SLC36A1: variants seen among roughly 807,000 people sequenced by gnomAD.
SLC36A1 encodes proton-coupled amino acid transporter 1.
SLC36A1 carries 30 observed loss-of-function variants against 47.5 expected under a neutral mutation model. The ratio of observed to expected loss-of-function variants is 0.63; its 90% CI spans 0.47 to 0.86. The LOEUF (loss-of-function observed/expected upper bound fraction) is 0.86. Among genes scored for constraint, SLC36A1 ranks in the 40% least tolerant of loss-of-function variants. The pLI is 0.00. For synonymous variants in SLC36A1, 255 were observed against 249.7 expected (o/e 1.02, Z -0.20); for missense variants, 517 against 606.0 (o/e 0.85, Z 1.54).
the SLC36A1 span, among the ~76,000 whole-genome samples, chr5:151,398,258 T>C: frequency 2.0e-5 from 3 of 152,172 alleles, no homozygotes; most frequent in Admixed American, 2.0e-4. Context: ...ATTATTATAA[T>C]TTTTGTTATG....
At chr5:151,472,701 G>T (rs1757488608) in intron 7 of SLC36A1, among the ~76,000 whole-genome samples, 1 of 152,304 alleles carries the variant, frequency 6.6e-6, no homozygotes, top group Non-Finnish European at 1.5e-5. Flanking sequence ...AGAGGAAAAA[G>T]GAAGAGAACC....
chr5:151,498,924 T>A, the SLC36A1 span, among the ~76,000 whole-genome samples: 1 of 152,218 alleles, frequency 6.6e-6, no homozygotes, highest in Non-Finnish European at 1.5e-5. Context: ...CTGCCTGCGC[T>A]GGAGACGTGG....
upstream of SLC36A1, among the ~76,000 whole-genome samples, chr5:151,433,332 G>A (rs1759566374): frequency 8.9e-6 from 1 of 112,824 alleles, no homozygotes; most frequent in Non-Finnish European, 1.7e-5. Flanking sequence ...TGCCCAGGCT[G>A]GAATGCAATG....
the SLC36A1 span, chr5:151,381,171 T>C: frequency 4.5e-6 from 2 of 448,356 alleles, no homozygotes; most frequent in Non-Finnish European, 8.9e-6. Flanking sequence ...AAGGAGCTGA[T>C]GGTGGCTGTG....
At chr5:151,440,013 A>G (rs1487846968) in intron 1 of SLC36A1, among the ~76,000 whole-genome samples, 1 of 152,220 alleles carries the variant, frequency 6.6e-6, no homozygotes, top group Admixed American at 6.5e-5. Context: ...AAATATTGAA[A>G]TCATAATGCT....
chr5:151,468,266 A>AAAAAAAAATAT (rs55642458), intron 7 of SLC36A1, among the ~76,000 whole-genome samples: 2 of 63,818 alleles, frequency 3.1e-5, no homozygotes, highest in African/African-American at 1.8e-4. Context: ...AAAAAAAAAA[A>AAAAAAAAATAT]ATATATATAT....
At chr5:151,412,171 G>A in the SLC36A1 span, among the ~76,000 whole-genome samples, 5 of 144,550 alleles carry the variant, frequency 3.5e-5, no homozygotes, top group Admixed American at 1.4e-4. Flanking sequence ...AATCTGTAAG[G>A]TAAGACAATG....
the SLC36A1 span, among the ~76,000 whole-genome samples, chr5:151,415,233 T>C: frequency 6.6e-6 from 1 of 152,198 alleles, no homozygotes; most frequent in African/African-American, 2.4e-5. Flanking sequence ...ACTGATCTTT[T>C]GAAGACTATT....
At chr5:151,419,283 G>C in the SLC36A1 span, among the ~76,000 whole-genome samples, 1 of 152,154 alleles carries the variant, frequency 6.6e-6, no homozygotes, top group African/African-American at 2.4e-5. Flanking sequence ...ACCCTATCAT[G>C]ATTTGCTGTG....
chr5:151,485,215 T>C (rs1221636503), intron 10 of SLC36A1, among the ~76,000 whole-genome samples: 1 of 152,178 alleles, frequency 6.6e-6, no homozygotes, highest in East Asian at 1.9e-4. Flanking sequence ...GCCTAAACTT[T>C]TTGCACACTT....
the SLC36A1 span, among the ~76,000 whole-genome samples, chr5:151,535,489 G>A: frequency 6.6e-6 from 1 of 152,114 alleles, no homozygotes; most frequent in Non-Finnish European, 1.5e-5. Flanking sequence ...AACACAGGGC[G>A]GTTCCTGGAG....
the SLC36A1 span, among the ~76,000 whole-genome samples, chr5:151,531,367 G>T: frequency 6.6e-6 from 1 of 152,182 alleles, no homozygotes; most frequent in African/African-American, 2.4e-5. This position sits in a 1 kb window ranked among gnomAD's most constrained non-coding sequence, Gnocchi z 5.7. Context: ...GGCTGCGGAC[G>T]TGGGAGGGTC....
chr5:151,413,697 T>C, the SLC36A1 span, among the ~76,000 whole-genome samples: 3 of 152,272 alleles, frequency 2.0e-5, no homozygotes, highest in African/African-American at 7.2e-5. Flanking sequence ...AAGAGCTGTG[T>C]TGCTTTTGTG....
the SLC36A1 span, among the ~76,000 whole-genome samples, chr5:151,502,570 G>A: frequency 6.8e-6 from 1 of 148,016 alleles, no homozygotes; most frequent in South Asian, 2.1e-4. Context: ...TATGTCATCA[G>A]GGAAATGCAA....
the SLC36A1 span, among the ~76,000 whole-genome samples, chr5:151,385,725 A>C: frequency 6.6e-6 from 1 of 152,146 alleles, no homozygotes; most frequent in Non-Finnish European, 1.5e-5. Flanking sequence ...ATAAAACAAA[A>C]CAATAAAAAA....
chr5:151,433,116 T>G (rs1759465850), upstream of SLC36A1, among the ~76,000 whole-genome samples: 1 of 149,894 alleles, frequency 6.7e-6, no homozygotes, highest in Non-Finnish European at 1.5e-5. Flanking sequence ...TTCCAGTTTA[T>G]AATTTTCAAA....
the SLC36A1 span, among the ~76,000 whole-genome samples, chr5:151,517,300 TG>T: frequency 1.3e-5 from 2 of 152,200 alleles, no homozygotes. Context: ...CCCCCATCCC[TG>T]GGAAACACTG....
intron 10 of SLC36A1, among the ~76,000 whole-genome samples, chr5:151,483,391 C>T (rs956895346): frequency 6.6e-6 from 1 of 152,152 alleles, no homozygotes; most frequent in African/African-American, 2.4e-5. Flanking sequence ...ATCATGTGGT[C>T]GAGCTGAGGT....
At chr5:151,385,075 G>A in the SLC36A1 span, among the ~76,000 whole-genome samples, 9 of 151,064 alleles carry the variant, frequency 6.0e-5, no homozygotes, top group East Asian at 5.8e-4. Context: ...AGAGGGGCAG[G>A]AGGGTGCTTA....
Sources: allele counts gnomAD v4.1 joint callset (sites outside exome capture counted in the v4.1 genomes callset), GRCh38; gene constraint gnomAD v4.1.1; non-coding constraint Gnocchi (gnomAD v3.1); transcripts MANE v1.5; gene names NCBI Gene and HGNC (gene_info 2026-07-23, HGNC 2026-07-21).